GATA4: variants seen among roughly 807,000 people sequenced by gnomAD.
The protein encoded by GATA4 is transcription factor GATA-4.
GATA4 carries 7 observed loss-of-function variants against 37.9 expected under a neutral mutation model. That is an observed-to-expected ratio of 0.18 (90% CI 0.11 to 0.35). The LOEUF (loss-of-function observed/expected upper bound fraction) is 0.35. GATA4 is among the 10% of genes least tolerant of loss of function. The probability of loss-of-function intolerance (pLI) is 1.00; values close to 1 mark genes in which losing one functional copy is unlikely to be tolerated. For missense variants in GATA4, 647 were observed against 653.0 expected (o/e 0.99, Z 0.10); for synonymous variants, 372 against 292.6 (o/e 1.27, Z -2.77).
intron 2 of GATA4, 33 bp from the exon 3 acceptor site, chr8:11,748,883 T>G (rs746004665): frequency 6.2e-7 from 1 of 1,612,194 alleles, no homozygotes; most frequent in Non-Finnish European, 8.5e-7. Context: ...ATTAATCCTC[T>G]GTGTCTTTTC....
chr8:11,684,842 A>T (rs1167102482), intron 1 of GATA4, among the ~76,000 whole-genome samples: 1 of 152,242 alleles, frequency 6.6e-6, no homozygotes, highest in African/African-American at 2.4e-5. Flanking sequence ...GTAGAAATTT[A>T]TCTGACACAC....
At chr8:11,696,597 G>A (rs1799515327) in intron 1 of GATA4, among the ~76,000 whole-genome samples, 1 of 152,216 alleles carries the variant, frequency 6.6e-6, no homozygotes, top group Admixed American at 6.5e-5. Context: ...CTACTTTAGA[G>A]TTTAAAGTTT....
In GATA4 at chr8:11,708,687, G is replaced by A. The variant is rs1368525776; in HGVS notation, c.375G>A (p.Ala125=). Residue 125 remains alanine (A), a synonymous_variant, in exon 2 of 7, where the codon GCG becomes GCA. Transcript: ENST00000532059. The surrounding 1 kb of genome is among the most constrained non-coding windows in gnomAD (Gnocchi z 6.7). ...GSLAAAAAAA[A]AREAAAYSSG... ...TGGCGGCCGCCGCCGCCGCTGCCGC[G>A]GCCCGGGAAGCTGCGGCCTACAGCA... The A allele has an allele frequency of 7.8e-6, 10 of 1,277,166 alleles. No homozygotes were observed. The highest frequency in any genetic ancestry group is 9.8e-6 in the Non-Finnish European group (10 of 1,016,684). The allele number at this position is 1,277,166 out of a possible 1,614,324, so 79.1% of individuals were successfully genotyped here. A position where few individuals can be genotyped will look rare whatever the true frequency, so the allele number is the denominator to read the frequency against.
intron 1 of GATA4, chr8:11,681,310 T>C: frequency 1.0e-6 from 1 of 985,394 alleles, no homozygotes; most frequent in Middle Eastern, 5.2e-4. Context: ...AGCACTGTCT[T>C]CACCACTTCT....
Position 11,708,342 on chromosome 8 carries a change from C to T in GATA4, c.30C>T (p.Asn10=), listed in dbSNP as rs1274085631. 3 of 1,584,192 alleles carry T rather than the reference C, an allele frequency of 1.9e-6. No homozygotes were observed. In the South Asian group the frequency reaches 3.4e-5, roughly 18 times the overall value. The change falls in exon 2 of 7, where the codon AAC becomes AAT. Residue 10 remains asparagine (N), a synonymous_variant. Coordinates refer to ENST00000532059, the MANE Select transcript of GATA4 (RefSeq NM_001308093.3). This position sits in a 1 kb window ranked among gnomAD's most constrained non-coding sequence, Gnocchi z 6.7. The part of the protein sequence containing the change: MYQSLAMAA[N]HGPPPGAYEA... ...ATCAGAGCTTGGCCATGGCCGCCAA[C>T]CACGGGCCGCCCCCCGGTGCCTACG...
intron 2 of GATA4, among the ~76,000 whole-genome samples, chr8:11,727,127 C>T (rs1277038099): frequency 6.6e-6 from 1 of 152,128 alleles, no homozygotes; most frequent in African/African-American, 2.4e-5. Flanking sequence ...TGTTTAAAGG[C>T]GTTTAAAGGC....
chr8:11,734,129 C>G (rs947683812), intron 2 of GATA4, among the ~76,000 whole-genome samples: 2 of 152,204 alleles, frequency 1.3e-5, no homozygotes, highest in Non-Finnish European at 1.5e-5. Context: ...GTGTTTTATA[C>G]ATATACATTT....
Position 11,730,171 on chromosome 8 carries a change from C to T in GATA4, c.617-18745C>T, listed in dbSNP as rs374205872. Among the ~76,000 whole-genome samples the T allele has an allele frequency of 9.8e-5, 15 of 152,324 alleles. No individual in the cohort carries two copies. The East Asian group carries it at 2.1e-3, about 22-fold the overall frequency. On this transcript the variant is annotated intron_variant, in intron 2 of 6. Transcript: ENST00000532059. ...TCAAGTGATACTCCTGCCTCAGCCTCCCAATGTGCTGGGATTACAGGCATA... is the reference window on the plus strand; with the variant it reads ...TCAAGTGATACTCCTGCCTCAGCCTTCCAATGTGCTGGGATTACAGGCATA...
At chr8:11,757,472 C>T (rs764898484) in intron 6 of GATA4, among the ~76,000 whole-genome samples, 88 of 152,138 alleles carry the variant, frequency 5.8e-4, no homozygotes, top group Admixed American at 2.6e-4. Context: ...CGTGCTGGGG[C>T]GAGGGGAGGC....
At chr8:11,718,468 C>T (rs1287983709) in intron 2 of GATA4, among the ~76,000 whole-genome samples, 1 of 152,174 alleles carries the variant, frequency 6.6e-6, no homozygotes, top group Non-Finnish European at 1.5e-5. Context: ...CATTGAAAAG[C>T]CTCTGCAAGT....
chr8:11,680,446 G>T (rs945603885), intron 1 of GATA4: 1 of 983,400 alleles, frequency 1.0e-6, no homozygotes, highest in East Asian at 1.1e-4. Context: ...TCGCCTCTCC[G>T]TTCCTGGCAA....
chr8:11,754,860 G>C (rs1419932494), intron 4 of GATA4, among the ~76,000 whole-genome samples, 186 bp from the exon 5 acceptor site: 1 of 152,206 alleles, frequency 6.6e-6, no homozygotes, highest in African/African-American at 2.4e-5. Context: ...TGCTCGATAA[G>C]TTTTTTAAAA....
intron 1 of GATA4, chr8:11,698,106 G>A: frequency 2.8e-6 from 2 of 717,720 alleles, no homozygotes; most frequent in African/African-American, 1.9e-5. Flanking sequence ...CCTCTCCCAG[G>A]AGGTCCTGGC....
intron 2 of GATA4, among the ~76,000 whole-genome samples, chr8:11,722,944 A>C (rs1215790039): frequency 2.0e-5 from 3 of 152,252 alleles, no homozygotes; most frequent in African/African-American, 7.2e-5. Context: ...GGCAGGATAC[A>C]TGCCTGCTAC....
chr8:11,721,185 C>G (rs1800657544), intron 2 of GATA4, among the ~76,000 whole-genome samples: 1 of 151,284 alleles, frequency 6.6e-6, no homozygotes, highest in South Asian at 2.1e-4. Flanking sequence ...GATACCGAAA[C>G]TGGCCTGGGC....
chr8:11,755,594 C>G (rs1585700069), intron 5 of GATA4, among the ~76,000 whole-genome samples: 1 of 152,266 alleles, frequency 6.6e-6, no homozygotes, highest in East Asian at 1.9e-4. Context: ...GTGCTTTGTG[C>G]TTTAGAAAGC....
At chr8:11,712,523 A>T (rs1009059724) in intron 2 of GATA4, among the ~76,000 whole-genome samples, 8 of 152,046 alleles carry the variant, frequency 5.3e-5, no homozygotes, top group African/African-American at 1.7e-4. Flanking sequence ...ATTTTTTAAA[A>T]AAAGAAATAT....
At chr8:11,680,877 T>A in intron 1 of GATA4, 1 of 985,302 alleles carries the variant, frequency 1.0e-6, no homozygotes, top group Non-Finnish European at 1.2e-6. Context: ...TCTTCTCAGT[T>A]GCGACCCCCT....
intron 2 of GATA4, among the ~76,000 whole-genome samples, chr8:11,740,115 T>C (rs980883213): frequency 2.6e-5 from 4 of 152,172 alleles, no homozygotes; most frequent in African/African-American, 9.7e-5. Flanking sequence ...TATCTGAGCC[T>C]GAAGCCGGAA....
Sources: allele counts gnomAD v4.1 joint callset (sites outside exome capture counted in the v4.1 genomes callset), GRCh38; gene constraint gnomAD v4.1.1; non-coding constraint Gnocchi (gnomAD v3.1); transcripts MANE v1.5; gene names NCBI Gene and HGNC (gene_info 2026-07-23, HGNC 2026-07-21).